Variants in ABCA3 observed in about 807,000 individuals in gnomAD.
ABCA3 encodes the protein ATP binding cassette subfamily A member 3, also known as phospholipid-transporting ATPase ABCA3.
In ABCA3, 88 loss-of-function variants were observed where a neutral mutation model predicts 172.8. The ratio of observed to expected loss-of-function variants is 0.51; its 90% CI spans 0.43 to 0.61. The LOEUF is 0.61. Among genes scored for constraint, ABCA3 ranks in the 20% least tolerant of loss-of-function variants. The pLI, the probability that ABCA3 is intolerant of heterozygous loss-of-function variation, is 0.00. For synonymous variants in ABCA3, 1,066 were observed against 983.8 expected (o/e 1.08, Z -1.56); for missense variants, 2,164 against 2,301.0 (o/e 0.94, Z 1.22).
Position 2,298,422 on chromosome 16 carries a change from G to A in ABCA3, c.1860C>T (p.Asn620=). 6.2e-7 allele frequency: 1 copy of A among 1,614,122 alleles called. No individual in the cohort carries two copies. Among genetic ancestry groups the A allele is most frequent in the Non-Finnish European group, 8.5e-7 (1 of 1,180,028 alleles). Reference sequence around the variant, plus strand: ...AATAAAGGTGCTCTGCGACTGTCAAGTTGTCAAACAGGATGTCGTGCTGCG... The same window carrying A: ...AATAAAGGTGCTCTGCGACTGTCAAATTGTCAAACAGGATGTCGTGCTGCG... ...LCPQHDILFD[N]LTVAEHLYFY... Residue 620 remains asparagine (N), a synonymous_variant, in exon 15 of 33, where the codon AAC becomes AAT. Coordinates refer to ENST00000301732, the MANE Select transcript of ABCA3 (RefSeq NM_001089.3).
intron 1 of ABCA3, among the ~76,000 whole-genome samples, chr16:2,339,978 C>T (rs559987538): frequency 2.6e-5 from 4 of 152,270 alleles, no homozygotes; most frequent in African/African-American, 4.8e-5. Context: ...TAGCGGCTCC[C>T]CTTTCCCGTT....
chr16:2,331,160 G>A (rs1427358540), intron 1 of ABCA3, among the ~76,000 whole-genome samples: 1 of 152,026 alleles, frequency 6.6e-6, no homozygotes, highest in Non-Finnish European at 1.5e-5. Context: ...ATCAGAAACT[G>A]AAAGGTAAAA....
chr16:2,302,783 C>A (rs1469867525), intron 12 of ABCA3, among the ~76,000 whole-genome samples: 1 of 151,740 alleles, frequency 6.6e-6, no homozygotes, highest in Admixed American at 6.6e-5. Flanking sequence ...CTATGTCCAC[C>A]CCGATCCCAT....
Position 2,328,435 on chromosome 16 carries a change from A to T in ABCA3, c.-27+18T>A, listed in dbSNP as rs573258446. The T allele has an allele frequency of 1.0e-5, 5 of 487,268 alleles. No individual in the cohort carries two copies. The highest frequency in any genetic ancestry group is 9.8e-5 in the African/African-American group (5 of 51,264). 30.2% of individuals were successfully genotyped at this position (487,268 alleles called of 1,614,324 possible). A position where few individuals can be genotyped will look rare whatever the true frequency, so the allele number is the denominator to read the frequency against. On this transcript the variant is annotated intron_variant, in intron 3 of 32. Transcript: ENST00000301732. ...TTAAGTTCATCTCATGAACTTCAAGAGTTCATGAGCTGCTAACCTGCTAGA... is the reference window on the plus strand; with the variant it reads ...TTAAGTTCATCTCATGAACTTCAAGTGTTCATGAGCTGCTAACCTGCTAGA...
chr16:2,303,826 T>G (rs1459587502), intron 12 of ABCA3, 143 bp downstream of exon 12: 1 of 914,764 alleles, frequency 1.1e-6, no homozygotes, highest in Non-Finnish European at 1.7e-6. Context: ...GACACGCCAC[T>G]CCCTGTGCAC....
Position 2,326,240 on chromosome 16 carries a change from A to G in ABCA3, c.89T>C (p.Phe30Ser), listed in dbSNP as rs1404114368. ...RKVLVTVLELFLPLLFSGILI... is the reference protein window; with the variant it reads ...RKVLVTVLELSLPLLFSGILI... ...GATCCCAGAAAACAGCAATGGCAGG[A>G]AGAGTTCCAGGACCGTCACCAGGAC... Residue 30 changes from phenylalanine (F) to serine (S), a missense_variant, in exon 5 of 33, where the codon TTC becomes TCC. Transcript: ENST00000301732. 1 of 1,613,822 alleles carries G rather than the reference A, an allele frequency of 6.2e-7. No individual in the cohort carries two copies.
At chr16:2,304,500 C>CTTTT (rs34874417) in intron 11 of ABCA3, among the ~76,000 whole-genome samples, 40 of 84,034 alleles carry the variant, frequency 4.8e-4, no homozygotes, top group Non-Finnish European at 5.9e-4. Context: ...TAGCATAAGT[C>CTTTT]TTTTTTTTTT....
chr16:2,290,003 C>CT (rs2093669573), intron 19 of ABCA3, among the ~76,000 whole-genome samples: 1 of 99,382 alleles, frequency 1.0e-5, no homozygotes, highest in African/African-American at 4.2e-5. Flanking sequence ...ACACACACAC[C>CT]CCTTCCTAGA....
intron 1 of ABCA3, among the ~76,000 whole-genome samples, chr16:2,333,890 A>G (rs1020243476): frequency 1.3e-5 from 2 of 151,940 alleles, no homozygotes; most frequent in African/African-American, 2.4e-5. Flanking sequence ...GGGTTTCACC[A>G]TGCTGGCCAG....
Position 2,284,655 on chromosome 16 carries a change from G to T in ABCA3, c.3703+124C>A, listed in dbSNP as rs1461433991. On this transcript the variant is annotated intron_variant, in intron 24 of 32. Coordinates refer to ENST00000301732, the MANE Select transcript of ABCA3 (RefSeq NM_001089.3). This position sits in a 1 kb window ranked among gnomAD's most constrained non-coding sequence, Gnocchi z 5.9. ...GGGCAGGGCCAGCTGGGGCAGAGGG[G>T]CTGGTGAGCATGAACTGGGCCCATT... is the stretch of plus-strand genomic sequence containing the variant. The T allele has an allele frequency of 1.6e-6, 2 of 1,239,058 alleles. No individual in the cohort carries two copies. Among genetic ancestry groups the T allele is most frequent in the Non-Finnish European group, 2.3e-6 (2 of 878,624 alleles). The allele number at this position is 1,239,058 out of a possible 1,614,324, so 76.8% of individuals were successfully genotyped here. A position where few individuals can be genotyped will look rare whatever the true frequency, so the allele number is the denominator to read the frequency against.
In ABCA3 at chr16:2,285,361, G is replaced by A. The variant is rs970391221; in HGVS notation, c.3483+81C>T. On this transcript the variant is annotated intron_variant, in intron 23 of 32. Transcript: ENST00000301732. The surrounding 1 kb of genome is among the most constrained non-coding windows in gnomAD (Gnocchi z 4.7). ...CTGCCGGCCTAGGGGCTGCCCAGCTGGTTCCGGTTCTGCACAGGGGTCCCA... is the reference window on the plus strand; with the variant it reads ...CTGCCGGCCTAGGGGCTGCCCAGCTAGTTCCGGTTCTGCACAGGGGTCCCA... The A allele has an allele frequency of 6.6e-6, 10 of 1,511,472 alleles. No individual in the cohort carries two copies. The highest frequency in any genetic ancestry group is 9.0e-6 in the Non-Finnish European group (10 of 1,116,326). The allele number at this position is 1,511,472 out of a possible 1,614,324, so 93.6% of individuals were successfully genotyped here.
Position 2,308,695 on chromosome 16 carries a change from C to G in ABCA3, c.1112-72G>C, listed in dbSNP as rs1161517119. 1.0e-5 allele frequency: 16 copies of G among 1,576,800 alleles called. No homozygotes were observed. In the Admixed American group the frequency reaches 2.6e-4, roughly 26 times the overall value. ...AAAGGGGCTTGGGCTCCCCGAGGTACAGGCAACCCCCTACTCCTGGGGCCG... is the reference window on the plus strand; with the variant it reads ...AAAGGGGCTTGGGCTCCCCGAGGTAGAGGCAACCCCCTACTCCTGGGGCCG... On this transcript the variant is annotated intron_variant, in intron 10 of 32. Transcript: ENST00000301732.
chr16:2,328,077 C>T (rs1339324069), intron 3 of ABCA3, among the ~76,000 whole-genome samples: 2 of 152,018 alleles, frequency 1.3e-5, no homozygotes, highest in Non-Finnish European at 2.9e-5. Flanking sequence ...ATAATCTATC[C>T]TATATTATAT....
intron 6 of ABCA3, among the ~76,000 whole-genome samples, chr16:2,323,909 G>T (rs1404475010): frequency 6.6e-6 from 1 of 152,116 alleles, no homozygotes; most frequent in Admixed American, 6.6e-5. Context: ...GGTGGTTCTT[G>T]GCCATTCCTA....
chr16:2,339,880 ACACACGGACGCGATG>A (rs2093757750), intron 1 of ABCA3, among the ~76,000 whole-genome samples: 1 of 152,248 alleles, frequency 6.6e-6, no homozygotes, highest in South Asian at 2.1e-4. Flanking sequence ...CAGAGCCAAG[ACACACGGACGCGATG>A]CACACAGGCG....
Position 2,288,127 on chromosome 16 carries a change from A to G in ABCA3, c.2903T>C (p.Val968Ala). 1 of 1,613,244 alleles carries G rather than the reference A, an allele frequency of 6.2e-7. No individual in the cohort carries two copies. Among genetic ancestry groups the G allele is most frequent in the Non-Finnish European group, 8.5e-7 (1 of 1,179,726 alleles). ...LTLGEYGRTVVPFSVPGTSQL... is the reference protein window; with the variant it reads ...LTLGEYGRTVAPFSVPGTSQL... ...GGAGGTCCCGGGAACTGAGAAGGGCACGACGGTTCTGCCGTACTCGCCCAA... is the reference window on the plus strand; with the variant it reads ...GGAGGTCCCGGGAACTGAGAAGGGCGCGACGGTTCTGCCGTACTCGCCCAA... Residue 968 changes from valine to alanine, a missense_variant, in exon 21 of 33, where the codon GTG becomes GCG. Physicochemically the swap from Val to Ala is moderately conservative, Grantham distance 64 (BLOSUM62 0). Around this residue, in one of 3 missense-constraint regions of ABCA3, gnomAD observed 1,343 missense variants for 1,369.6 expected, o/e 0.98. Transcript: ENST00000301732.
rs1236797895 is a variant in ABCA3 at position 2,299,414 on chromosome 16, G to C, written c.1730C>G (p.Ser577Cys). The change falls in exon 14 of 33, where the codon TCC becomes TGC. Residue 577 changes from serine (S) to cysteine (C), a missense_variant. Ser to Cys is a moderately radical substitution (Grantham distance 112). Transcript: ENST00000301732. The part of the protein sequence containing the change: ...HNGAGKTTTL[S>C]MLTGLFPPTS... ...CGCCTGGCCCTCACCTGTGAGCATGGAGAGGGTGGTGGTCTTCCCGGCACC... is the reference window on the plus strand; with the variant it reads ...CGCCTGGCCCTCACCTGTGAGCATGCAGAGGGTGGTGGTCTTCCCGGCACC... 1 of 1,613,630 alleles carries C rather than the reference G, an allele frequency of 6.2e-7. No homozygotes were observed. The highest frequency in any genetic ancestry group is 2.2e-5 in the East Asian group (1 of 44,876).
rs1313879176 is a variant in ABCA3, at chr16:2,278,259, T to A, written c.4718+29A>T. 2 of 1,604,578 alleles carry A rather than the reference T, an allele frequency of 1.2e-6. No homozygotes were observed. Among genetic ancestry groups the A allele is most frequent in the African/African-American group, 2.7e-5 (2 of 74,914 alleles). ...TCCATGGCCCACCCGGTGCTGAAACTTCCAGTAACCCACAGACCCAGGCTC... is the reference window on the plus strand; with the variant it reads ...TCCATGGCCCACCCGGTGCTGAAACATCCAGTAACCCACAGACCCAGGCTC... On this transcript the variant is annotated intron_variant, in intron 30 of 32. Coordinates refer to ENST00000301732, the MANE Select transcript of ABCA3 (RefSeq NM_001089.3). The surrounding 1 kb of genome is among the most constrained non-coding windows in gnomAD (Gnocchi z 4.4).
intron 1 of ABCA3, among the ~76,000 whole-genome samples, chr16:2,336,193 G>A (rs2093751424): frequency 6.6e-6 from 1 of 152,142 alleles, no homozygotes; most frequent in South Asian, 2.1e-4. Flanking sequence ...GATGCTACAA[G>A]CGTACTGTCT....
Sources: gnomAD v4.1 joint callset for allele counts (sites outside exome capture counted in the v4.1 genomes callset) on GRCh38, gnomAD v4.1.1 for gene constraint, gnomAD v4.1.1 regional missense constraint, Gnocchi (gnomAD v3.1) non-coding constraint, MANE v1.5 for transcripts, NCBI Gene and HGNC (gene_info 2026-07-23, HGNC 2026-07-21) for gene names.